HSD3B7: variants seen among roughly 807,000 people sequenced by gnomAD.
HSD3B7 encodes 3 beta-hydroxysteroid dehydrogenase type 7.
In HSD3B7, 35 loss-of-function variants were observed where a neutral mutation model predicts 34.3. The ratio of observed to expected loss-of-function variants is 1.02; its 90% CI spans 0.78 to 1.35. The LOEUF (loss-of-function observed/expected upper bound fraction) is 1.35. Among genes scored for constraint, HSD3B7 ranks in the 40% most tolerant of loss-of-function variants. The pLI is 0.00. For missense variants in HSD3B7, 426 were observed against 504.7 expected (o/e 0.84, Z 1.49); for synonymous variants, 217 against 220.1 (o/e 0.99, Z 0.13).
intron 3 of HSD3B7, 85 bp downstream of exon 3, chr16:30,986,289 G>T: frequency 6.4e-7 from 1 of 1,571,454 alleles, no homozygotes; most frequent in Non-Finnish European, 8.7e-7. Flanking sequence ...ACTCCCCTGG[G>T]ACAAGTTGTC....
At chr16:30,987,635 CT>C in intron 6 of HSD3B7, 132 bp from the exon 7 acceptor site, 1 of 1,041,536 alleles carries the variant, frequency 9.6e-7, no homozygotes, top group Non-Finnish European at 1.5e-6. Context: ...AGAAGGCAGC[CT>C]TTCCCAGGCT....
At chr16:30,985,587 C>CAGCAGTAACAGGTGGTTGCAGCAGGT in intron 1 of HSD3B7, 66 bp from the exon 2 acceptor site, 1 of 1,545,294 alleles carries the variant, frequency 6.5e-7, no homozygotes, top group Non-Finnish European at 8.7e-7. Flanking sequence ...AGGGCACCTC[C>CAGCAGTAACAGGTGGTTGCAGCAGGT]AGCAGTAACA....
chr16:30,987,206 G>A lies in HSD3B7; in HGVS notation c.694+204G>A, dbSNP rs2056494378. 2.3e-5 allele frequency: 14 copies of A among 611,948 alleles called. No individual in the cohort carries two copies. The South Asian group carries it at 2.7e-4, about 12-fold the overall frequency. The allele number at this position is 611,948 out of a possible 1,614,324, so 37.9% of individuals were successfully genotyped here. A position where few individuals can be genotyped will look rare whatever the true frequency, so the allele number is the denominator to read the frequency against. ...TCCATGCAAGTTGGGACATTAAAAA[G>A]TGTATCATAGGCTACAGAGAAGATT... On this transcript the variant is annotated intron_variant, in intron 6 of 6. Coordinates refer to ENST00000297679, the MANE Select transcript of HSD3B7 (RefSeq NM_025193.4).
chr16:30,985,847 G>T (rs199641017), intron 2 of HSD3B7, 23 bp downstream of exon 2: 1 of 1,592,398 alleles, frequency 6.3e-7, no homozygotes, highest in East Asian at 2.3e-5. Context: ...GGAGCTTGTG[G>T]TGGAGAGGGT....
chr16:30,987,448 A>C (rs981796216), intron 6 of HSD3B7: 2 of 447,096 alleles, frequency 4.5e-6, no homozygotes, highest in African/African-American at 2.0e-5. Flanking sequence ...CCCTGTCTCT[A>C]AAACTTTTTT....
chr16:30,986,883 C>T lies in HSD3B7; in HGVS notation c.575C>T (p.Thr192Met), dbSNP rs145884726. 2.4e-5 allele frequency: 38 copies of T among 1,613,826 alleles called. No homozygotes were observed. The highest frequency in any genetic ancestry group is 8.9e-5 in the East Asian group (4 of 44,892). The change falls in exon 6 of 7, where the codon ACG (threonine) becomes ATG (methionine). Residue 192 changes from threonine to methionine, a missense_variant. By Grantham distance (81) the Thr-to-Met change is moderately conservative. Coordinates refer to ENST00000297679, the MANE Select transcript of HSD3B7 (RefSeq NM_025193.4). Reference sequence around the variant, plus strand: ...CTGGTGACGTGTGCCCTTCGTCCCACGGGCATCTACGGTGAAGGCCACCAG... The same window carrying T: ...CTGGTGACGTGTGCCCTTCGTCCCATGGGCATCTACGGTGAAGGCCACCAG... ...LPLVTCALRP[T>M]GIYGEGHQIM...
At chr16:30,986,382 G>A (rs371170165) in intron 3 of HSD3B7, 41 bp from the exon 4 acceptor site, 2 of 1,588,440 alleles carry the variant, frequency 1.3e-6, no homozygotes, top group African/African-American at 2.7e-5. Flanking sequence ...GATGCAGAGA[G>A]GGAAGAAGCT....
rs972736266 is a variant in HSD3B7 at position 30,985,776 on chromosome 16, C to T, written c.118C>T (p.Arg40Trp). 8.7e-6 allele frequency: 14 copies of T among 1,602,898 alleles called. No homozygotes were observed. In the East Asian group the frequency reaches 1.3e-4, roughly 15 times the overall value. Reference sequence around the variant, plus strand: ...GCGGGAGCCCCGGCTCGGGGAGCTGCGGGTCTTTGACCAACACCTGGGTCC... The same window carrying T: ...GCGGGAGCCCCGGCTCGGGGAGCTGTGGGTCTTTGACCAACACCTGGGTCC... ...LQREPRLGEL[R>W]VFDQHLGPWL... is the part of the protein sequence containing the mutation. The change falls in exon 2 of 7, where the codon CGG becomes TGG. Residue 40 changes from arginine to tryptophan, a missense_variant. By Grantham distance (101) the Arg-to-Trp change is moderately radical. Coordinates refer to ENST00000297679, the MANE Select transcript of HSD3B7 (RefSeq NM_025193.4).
Position 30,985,832 on chromosome 16 carries a change from T to A in HSD3B7, c.166+8T>A. The A allele has an allele frequency of 1.3e-6, 2 of 1,596,388 alleles. No homozygotes were observed. The highest frequency in any genetic ancestry group is 1.7e-6 in the Non-Finnish European group (2 of 1,172,686). On this transcript the variant is annotated splice_region_variant and intron_variant, in intron 2 of 6. Coordinates refer to ENST00000297679, the MANE Select transcript of HSD3B7 (RefSeq NM_025193.4). ...TGGAGGAGCTGAAGACAGGTTCTTG[T>A]TGGGGGAGCTTGTGGTGGAGAGGGT... is the stretch of plus-strand genomic sequence containing the variant.
chr16:30,986,816 A>C, intron 5 of HSD3B7, 24 bp from the exon 6 acceptor site: 1 of 1,613,904 alleles, frequency 6.2e-7, no homozygotes, highest in Non-Finnish European at 8.5e-7. Context: ...CCCAGGTCTC[A>C]GCAGTACCTG....
Position 30,988,174 on chromosome 16 carries a change from AG to A in HSD3B7, c.1102del (p.Ala368ProfsTer49). The A allele has an allele frequency of 6.3e-7, 1 of 1,598,660 alleles. No homozygotes were observed. Among genetic ancestry groups the A allele is most frequent in the Non-Finnish European group, 8.5e-7 (1 of 1,176,672 alleles). On this transcript the variant is annotated frameshift_variant, in exon 7 of 7. Transcript: ENST00000297679. LOFTEE classifies it high-confidence loss of function. ...ILWVQAATGS[A>X]Q Reference sequence around the variant, plus strand: ...TCTGGGTACAGGCCGCTACGGGTTCAGCCCAGTGACGGTGGGGCTGGGGCCT... The same window carrying A: ...TCTGGGTACAGGCCGCTACGGGTTCACCCAGTGACGGTGGGGCTGGGGCCT...
Position 30,986,443 on chromosome 16 carries a change from G to T in HSD3B7, c.343G>T (p.Ala115Ser). ...NVQGTRNVIE[A>S]CVQTGTRFLV... ...GCCAGGTACCCGGAACGTGATCGAGGCTTGTGTGCAGACCGGAACACGGTT... is the reference window on the plus strand; with the variant it reads ...GCCAGGTACCCGGAACGTGATCGAGTCTTGTGTGCAGACCGGAACACGGTT... Residue 115 changes from alanine to serine, a missense_variant, in exon 4 of 7, where the codon GCT becomes TCT. By Grantham distance (99) the Ala-to-Ser change is moderately conservative (BLOSUM62 1). Transcript: ENST00000297679. 1 of 1,614,134 alleles carries T rather than the reference G, an allele frequency of 6.2e-7. No individual in the cohort carries two copies. The highest frequency in any genetic ancestry group is 1.1e-5 in the South Asian group (1 of 91,090).
At chr16:30,987,647 G>A (rs2056503123) in intron 6 of HSD3B7, 121 bp from the exon 7 acceptor site, 1 of 1,134,002 alleles carries the variant, frequency 8.8e-7, no homozygotes, top group Non-Finnish European at 1.3e-6. Context: ...TTCCCAGGCT[G>A]CTGTGGGGAT....
At chr16:30,986,276 G>T (rs1355701600) in intron 3 of HSD3B7, 72 bp downstream of exon 3, 4 of 1,580,668 alleles carry the variant, frequency 2.5e-6, no homozygotes, top group Non-Finnish European at 3.4e-6. Context: ...TTGACCTCCG[G>T]TGACTCCCCT....
At chr16:30,987,091 G>A (rs1034020081) in intron 6 of HSD3B7, 89 bp downstream of exon 6, 12 of 1,405,894 alleles carry the variant, frequency 8.5e-6, no homozygotes, top group Non-Finnish European at 1.2e-5. Flanking sequence ...CCCTGGGAGA[G>A]AAGTGTGGAC....
chr16:30,986,339 G>C, intron 3 of HSD3B7, 84 bp from the exon 4 acceptor site: 1 of 1,562,146 alleles, frequency 6.4e-7, no homozygotes, highest in Non-Finnish European at 8.8e-7. Context: ...GACCTGTCAT[G>C]GTTTTCCCTG....
rs761166824 is a variant in HSD3B7 at position 30,988,161 on chromosome 16, C to A, written c.1088C>A (p.Ala363Asp). 1.7e-5 allele frequency: 27 copies of A among 1,603,148 alleles called. No homozygotes were observed. Among genetic ancestry groups the A allele is most frequent in the Non-Finnish European group, 2.3e-5 (27 of 1,178,358 alleles). The change falls in exon 7 of 7, where the codon GCC becomes GAC. Residue 363 changes from alanine (A) to aspartate (D), a missense_variant. Physicochemically the swap from Ala to Asp is moderately radical, Grantham distance 126. Transcript: ENST00000297679. ...ACCCGTACCATTCTCTGGGTACAGGCCGCTACGGGTTCAGCCCAGTGACGG... is the reference window on the plus strand; with the variant it reads ...ACCCGTACCATTCTCTGGGTACAGGACGCTACGGGTTCAGCCCAGTGACGG... ...SRTRTILWVQAATGSAQ is the reference protein window; with the variant it reads ...SRTRTILWVQDATGSAQ
Position 30,987,860 on chromosome 16 carries a change from T to G in HSD3B7, c.787T>G (p.Ser263Ala), listed in dbSNP as rs1327564073. The change falls in exon 7 of 7, where the codon TCA (serine) becomes GCA (alanine). Residue 263 changes from serine to alanine, a missense_variant. Coordinates refer to ENST00000297679, the MANE Select transcript of HSD3B7 (RefSeq NM_025193.4). ...CCAGGTATACTTCTGCTACGATGGA[T>G]CACCCTACAGGAGCTACGAGGATTT... ...GGQVYFCYDGSPYRSYEDFNM... is the reference protein window; with the variant it reads ...GGQVYFCYDGAPYRSYEDFNM... 4 of 1,613,724 alleles carry G rather than the reference T, an allele frequency of 2.5e-6. No individual in the cohort carries two copies. The highest frequency in any genetic ancestry group is 1.7e-6 in the Non-Finnish European group (2 of 1,179,974).
chr16:30,985,613 T>A, intron 1 of HSD3B7, 40 bp from the exon 2 acceptor site: 1 of 1,567,276 alleles, frequency 6.4e-7, no homozygotes, highest in Non-Finnish European at 8.6e-7. Context: ...TTGCAGCAGG[T>A]GGCAGCCAGC....
Sources: gnomAD v4.1 joint callset for allele counts on GRCh38, gnomAD v4.1.1 for gene constraint, MANE v1.5 for transcripts, NCBI Gene and HGNC (gene_info 2026-07-23, HGNC 2026-07-21) for gene names.